GTF3C1: variants seen among roughly 807,000 people sequenced by gnomAD.
The protein encoded by GTF3C1 is general transcription factor IIIC subunit 1.
Under a neutral mutation model 226.7 loss-of-function variants are expected in GTF3C1, and 57 were observed. That is an observed-to-expected ratio of 0.25 (90% CI 0.20 to 0.31). The LOEUF (loss-of-function observed/expected upper bound fraction) is 0.31, where lower values mean the gene tolerates loss of function less well. Ranked by LOEUF, GTF3C1 falls within the 10% of genes least tolerant of loss-of-function variation. The pLI, the probability that GTF3C1 is intolerant of heterozygous loss-of-function variation, is 1.00. For synonymous variants in GTF3C1, 1,090 were observed against 1,084.8 expected, an observed-to-expected ratio of 1.00 and a Z score of -0.09; for missense variants, 2,217 against 2,776.1, an observed-to-expected ratio of 0.80 and a Z score of 4.53.
intron 27 of GTF3C1, among the ~76,000 whole-genome samples, chr16:27,480,390 C>T (rs1051789307): frequency 1.3e-5 from 2 of 152,098 alleles, no homozygotes; most frequent in Non-Finnish European, 2.9e-5. Flanking sequence ...ACTCTGAAAA[C>T]GAGTACAAAC....
Position 27,497,631 on chromosome 16 carries a change from G to A in GTF3C1, c.2350+6C>T. On this transcript the variant is annotated splice_donor_region_variant and intron_variant, in intron 14 of 36. Transcript: ENST00000356183. ...AACTAAACACAGACAAGAAGCTGCA[G>A]CTTACCTACAATGGGGTGATAATTT... 2 of 1,605,286 alleles carry A rather than the reference G, an allele frequency of 1.2e-6. No homozygotes were observed. Among genetic ancestry groups the A allele is most frequent in the Non-Finnish European group, 1.7e-6 (2 of 1,173,074 alleles).
chr16:27,500,186 G>A (rs1481052337), intron 12 of GTF3C1, among the ~76,000 whole-genome samples: 1 of 152,114 alleles, frequency 6.6e-6, no homozygotes, highest in East Asian at 1.9e-4. Flanking sequence ...GAAATAGAAG[G>A]CACTGCTACT....
intron 29 of GTF3C1, among the ~76,000 whole-genome samples, chr16:27,473,400 C>A (rs1171287828): frequency 6.6e-6 from 1 of 152,274 alleles, no homozygotes. Flanking sequence ...AAGCAACCAG[C>A]AGTTCCTGAG....
chr16:27,539,734 GT>G (rs2141457149), intron 2 of GTF3C1, among the ~76,000 whole-genome samples: 1 of 152,308 alleles, frequency 6.6e-6, no homozygotes, highest in African/African-American at 2.4e-5. Context: ...GGCCATGACA[GT>G]TCTGTTCTGC....
At chr16:27,475,101 G>A (rs997179820) in intron 29 of GTF3C1, among the ~76,000 whole-genome samples, 1 of 152,238 alleles carries the variant, frequency 6.6e-6, no homozygotes, top group African/African-American at 2.4e-5. Context: ...GCCCCGCTGT[G>A]GCCAAAGTAA....
chr16:27,503,690 C>T (rs193059668), intron 10 of GTF3C1, among the ~76,000 whole-genome samples: 3 of 152,300 alleles, frequency 2.0e-5, no homozygotes, highest in Admixed American at 6.5e-5. Context: ...TTAAAATGAA[C>T]CTGTTTCACC....
At chr16:27,533,959 T>C (rs2088961121) in intron 4 of GTF3C1, among the ~76,000 whole-genome samples, 1 of 152,136 alleles carries the variant, frequency 6.6e-6, no homozygotes, top group South Asian at 2.1e-4. Context: ...TGAGCCGAGA[T>C]TGCACCACTG....
chr16:27,535,643 T>C (rs2141450874), intron 4 of GTF3C1, among the ~76,000 whole-genome samples: 1 of 150,918 alleles, frequency 6.6e-6, no homozygotes, highest in African/African-American at 2.4e-5. Flanking sequence ...CTCCAGTAAA[T>C]TACTTGCTGC....
chr16:27,483,441 A>C (rs368739277), intron 25 of GTF3C1: 1 of 519,452 alleles, frequency 1.9e-6, no homozygotes, highest in African/African-American at 1.9e-5. Context: ...ACCTATGTGA[A>C]AGTGCATCAC....
intron 2 of GTF3C1, among the ~76,000 whole-genome samples, chr16:27,540,494 A>G (rs915040294): frequency 2.6e-5 from 4 of 152,118 alleles, no homozygotes; most frequent in Non-Finnish European, 4.4e-5. Flanking sequence ...CATGATCCCA[A>G]TGTTTCTGTT....
intron 2 of GTF3C1, among the ~76,000 whole-genome samples, chr16:27,539,022 TTTTG>T (rs2089043839): frequency 1.3e-5 from 2 of 149,180 alleles, no homozygotes; most frequent in African/African-American, 5.0e-5. Flanking sequence ...TTTTTTTTTT[TTTTG>T]CCAACATCCT....
intron 7 of GTF3C1, among the ~76,000 whole-genome samples, chr16:27,509,139 T>C (rs2088532697): frequency 6.6e-6 from 1 of 152,246 alleles, no homozygotes. Flanking sequence ...CACTGACTAC[T>C]GCACTGTCCC....
At chr16:27,528,858 A>C in intron 5 of GTF3C1, 137 bp from the exon 6 acceptor site, 2 of 858,700 alleles carry the variant, frequency 2.3e-6, no homozygotes, top group Non-Finnish European at 3.8e-6. Context: ...AAGCCTGCCA[A>C]GCTACCTTGT....
chr16:27,546,682 C>T (rs2089169497), intron 1 of GTF3C1, among the ~76,000 whole-genome samples: 1 of 152,014 alleles, frequency 6.6e-6, no homozygotes. Context: ...ATATCCTACA[C>T]TAGTCTAATT....
intron 6 of GTF3C1, among the ~76,000 whole-genome samples, chr16:27,515,728 G>A (rs569976873): frequency 6.6e-6 from 1 of 152,154 alleles, no homozygotes; most frequent in Non-Finnish European, 1.5e-5. Context: ...TTTGTTTTCC[G>A]ATCTGCAAAA....
In GTF3C1 at chr16:27,480,073, C is replaced by A. The variant is rs1424028647; in HGVS notation, c.4196+1006G>T. Among the ~76,000 whole-genome samples the A allele has an allele frequency of 2.0e-5, 3 of 151,750 alleles. No individual in the cohort carries two copies. The East Asian group carries it at 5.8e-4, about 29-fold the overall frequency. On this transcript the variant is annotated intron_variant, in intron 27 of 36. Coordinates refer to ENST00000356183, the MANE Select transcript of GTF3C1 (RefSeq NM_001520.4). ...AAAATTAGCCAGGCCTGGTGGCGGGCGCCTGTAGTCCCAGCTACTGGGCAG... is the reference window on the plus strand; with the variant it reads ...AAAATTAGCCAGGCCTGGTGGCGGGAGCCTGTAGTCCCAGCTACTGGGCAG...
chr16:27,516,195 G>C (rs2088655652), intron 6 of GTF3C1, among the ~76,000 whole-genome samples: 1 of 152,250 alleles, frequency 6.6e-6, no homozygotes, highest in Non-Finnish European at 1.5e-5. Flanking sequence ...TTGACTCCTA[G>C]AGACTCGTGC....
At chr16:27,468,599 A>G (rs1436703610) in intron 32 of GTF3C1, among the ~76,000 whole-genome samples, 1 of 152,078 alleles carries the variant, frequency 6.6e-6, no homozygotes, top group East Asian at 1.9e-4. Context: ...GCAACTGAGC[A>G]AGACCCTAAA....
chr16:27,527,833 C>G (rs900769996), intron 6 of GTF3C1, among the ~76,000 whole-genome samples: 1 of 152,002 alleles, frequency 6.6e-6, no homozygotes, highest in South Asian at 2.1e-4. Flanking sequence ...GAGACTTTCT[C>G]GCTACAAAAA....
Sources: allele counts gnomAD v4.1 joint callset (sites outside exome capture counted in the v4.1 genomes callset), GRCh38; gene constraint gnomAD v4.1.1; transcripts MANE v1.5; gene names NCBI Gene and HGNC (gene_info 2026-07-23, HGNC 2026-07-21).